Variants in TBC1D16 observed in about 807,000 individuals in gnomAD.
TBC1D16 encodes CTD-2529O21.1.
In TBC1D16, 58 loss-of-function variants were observed where a neutral mutation model predicts 74.7. That is an observed-to-expected ratio of 0.78 (90% CI 0.63 to 0.97). TBC1D16 has a LOEUF of 0.97. Ranked by LOEUF, TBC1D16 falls within the 50% of genes least tolerant of loss-of-function variation. The probability of loss-of-function intolerance (pLI) is 0.00; values close to 1 mark genes in which losing one functional copy is unlikely to be tolerated. For synonymous variants in TBC1D16, 493 were observed against 474.7 expected (o/e 1.04, Z -0.50); for missense variants, 1,014 against 1,079.5 (o/e 0.94, Z 0.85).
chr17:80,011,914 T>C (rs548639534), intron 2 of TBC1D16, among the ~76,000 whole-genome samples: 11 of 152,088 alleles, frequency 7.2e-5, no homozygotes, highest in African/African-American at 2.4e-4. Flanking sequence ...TTAATGCAGA[T>C]TGTTTGAGGA....
Position 79,950,227 on chromosome 17 carries a change from G to A in TBC1D16, c.1257+184C>T, listed in dbSNP as rs1358077142. On this transcript the variant is annotated intron_variant, in intron 6 of 11. Coordinates refer to ENST00000310924, the MANE Select transcript of TBC1D16 (RefSeq NM_019020.4). The surrounding 1 kb of genome is among the most constrained non-coding windows in gnomAD (Gnocchi z 4.6). ...TTGTGTTTTGTTTTTTTTTTTCAAC[G>A]CAGCAGCTTTGATTGCTTTATCGGT... is the stretch of plus-strand genomic sequence containing the variant. Among the ~76,000 whole-genome samples the A allele has an allele frequency of 2.0e-5, 3 of 151,346 alleles. No individual in the cohort carries two copies. In the East Asian group the frequency reaches 5.8e-4, roughly 29 times the overall value.
intron 1 of TBC1D16, among the ~76,000 whole-genome samples, chr17:80,024,330 TACCACAC>T (rs1226112155): frequency 7.2e-5 from 3 of 41,790 alleles, no homozygotes; most frequent in African/African-American, 2.4e-4. Context: ...TAGACACACA[TACCACAC>T]ACCACACACC....
intron 2 of TBC1D16, 22 bp downstream of exon 2, chr17:80,013,345 A>C (rs140228131): frequency 0.015 from 23,609 of 1,583,480 alleles, 330 homozygotes; most frequent in Middle Eastern, 0.047. Context: ...GCGACCCTGG[A>C]GCCTCGCCTG....
At chr17:79,964,392 A>T (rs1432881282) in intron 3 of TBC1D16, among the ~76,000 whole-genome samples, 2 of 151,964 alleles carry the variant, frequency 1.3e-5, no homozygotes, top group East Asian at 3.9e-4. Flanking sequence ...TGATCTTTAT[A>T]CTCTGCTGAT....
At chr17:79,972,136 T>G (rs1341742987) in intron 3 of TBC1D16, among the ~76,000 whole-genome samples, 2 of 152,190 alleles carry the variant, frequency 1.3e-5, no homozygotes, top group African/African-American at 4.8e-5. Flanking sequence ...TGTCCCTGCA[T>G]GCAATGGCAG....
Position 80,013,528 on chromosome 17 carries a change from A to G in TBC1D16, c.20T>C (p.Leu7Pro). Reference sequence around the variant, plus strand: ...CGAGGCTTTGGAGGAGGCCCTGCGAAGGAGGCGGCCCAGAGACATTGCCGG... The same window carrying G: ...CGAGGCTTTGGAGGAGGCCCTGCGAGGGAGGCGGCCCAGAGACATTGCCGG... MSLGRL[L>P]RRASSKASDL... The change falls in exon 2 of 12, where the codon CTT becomes CCT. Residue 7 changes from leucine (L) to proline (P), a missense_variant. Physicochemically the swap from Leu to Pro is moderately conservative, Grantham distance 98. Transcript: ENST00000310924. 6.5e-7 allele frequency: 1 copy of G among 1,546,368 alleles called. No homozygotes were observed. Among genetic ancestry groups the G allele is most frequent in the Non-Finnish European group, 8.7e-7 (1 of 1,146,726 alleles).
At chr17:80,005,093 T>G (rs998626853) in intron 3 of TBC1D16, among the ~76,000 whole-genome samples, 3 of 150,436 alleles carry the variant, frequency 2.0e-5, no homozygotes, top group Admixed American at 6.6e-5. Flanking sequence ...TTGTTGTTTT[T>G]GTTTTTGACA....
intron 3 of TBC1D16, among the ~76,000 whole-genome samples, chr17:79,963,704 A>G (rs1161493798): frequency 6.6e-6 from 1 of 152,216 alleles, no homozygotes; most frequent in African/African-American, 2.4e-5. Context: ...CCAGCAATGC[A>G]TAGGGATTTC....
Position 79,934,488 on chromosome 17 carries a change from G to C in TBC1D16, c.*6371C>G, listed in dbSNP as rs997778427. On this transcript the variant is annotated 3_prime_UTR_variant, in exon 12 of 12. Coordinates refer to ENST00000310924, the MANE Select transcript of TBC1D16 (RefSeq NM_019020.4). The stretch of plus-strand genomic sequence containing the variant: ...CCACCACGGCTGTTGCAGAGTCCAC[G>C]GTAAGAGCCAGGACGTGGCTTCCAG... 3 of 152,272 alleles carry C rather than the reference G, an allele frequency of 2.0e-5. No homozygotes were observed. The highest frequency in any genetic ancestry group is 4.4e-5 in the Non-Finnish European group (3 of 68,062). 9.4% of individuals were successfully genotyped at this position (152,272 alleles called of 1,614,324 possible). A position where few individuals can be genotyped will look rare whatever the true frequency, so the allele number is the denominator to read the frequency against.
intron 3 of TBC1D16, among the ~76,000 whole-genome samples, chr17:80,004,011 C>A (rs576371777): frequency 6.6e-6 from 1 of 152,186 alleles, no homozygotes; most frequent in Admixed American, 6.5e-5. Flanking sequence ...ATTGTGCTGC[C>A]GCCACCGTAT....
chr17:80,000,353 G>A lies in TBC1D16; in HGVS notation c.779+9807C>T, dbSNP rs141471790. On this transcript the variant is annotated intron_variant, in intron 3 of 11. Coordinates refer to ENST00000310924, the MANE Select transcript of TBC1D16 (RefSeq NM_019020.4). This position sits in a 1 kb window ranked among gnomAD's most constrained non-coding sequence, Gnocchi z 4.1. ...CCTATCTAATGACTGGCATCCGTATGAGAAGAAGAGAGGGCACACAAAGGG... is the reference window on the plus strand; with the variant it reads ...CCTATCTAATGACTGGCATCCGTATAAGAAGAAGAGAGGGCACACAAAGGG... Among the ~76,000 whole-genome samples, 1,088 of 152,290 alleles carry A rather than the reference G, an allele frequency of 7.1e-3. 9 individuals are homozygous for A. Among genetic ancestry groups the A allele is most frequent in the Middle Eastern group, 0.017 (5 of 294 alleles).
intron 10 of TBC1D16, chr17:79,943,895 TCGGGA>T: frequency 7.1e-7 from 1 of 1,408,344 alleles, no homozygotes; most frequent in Non-Finnish European, 9.2e-7. Context: ...TTTTTTTAAT[TCGGGA>T]GTGGTGGGAA....
chr17:79,973,988 C>A (rs1253675375), intron 3 of TBC1D16, among the ~76,000 whole-genome samples: 1 of 152,178 alleles, frequency 6.6e-6, no homozygotes, highest in Non-Finnish European at 1.5e-5. Flanking sequence ...CGCCTTCTCG[C>A]TAAAAGGAAG....
chr17:79,990,975 C>G lies in TBC1D16; in HGVS notation c.779+19185G>C, dbSNP rs1391413981. 6.6e-6 allele frequency among the ~76,000 whole-genome samples: 1 copy of G among 152,202 alleles called. No homozygotes were observed. The highest frequency in any genetic ancestry group is 1.5e-5 in the Non-Finnish European group (1 of 68,040). On this transcript the variant is annotated intron_variant, in intron 3 of 11. Coordinates refer to ENST00000310924, the MANE Select transcript of TBC1D16 (RefSeq NM_019020.4). The surrounding 1 kb of genome is among the most constrained non-coding windows in gnomAD (Gnocchi z 4.8). ...GTGTGGAACATGTGTGTGAACACAC[C>G]GCGTTTCTCTAGTCACCCGTCGGGG... is the stretch of plus-strand genomic sequence containing the variant.
intron 3 of TBC1D16, among the ~76,000 whole-genome samples, chr17:79,999,543 T>C (rs189112471): frequency 7.2e-4 from 92 of 127,574 alleles, no homozygotes; most frequent in African/African-American, 2.6e-3. Context: ...CTTTTTTTTT[T>C]TTTTTTTTTT....
At chr17:79,957,454 G>A (rs1405511133) in intron 3 of TBC1D16, among the ~76,000 whole-genome samples, 1 of 152,196 alleles carries the variant, frequency 6.6e-6, no homozygotes, top group Non-Finnish European at 1.5e-5. Flanking sequence ...ACTGTGACAA[G>A]GCTGCACCCT....
At position 79,944,892 on chromosome 17, in the gene TBC1D16, C is replaced by G. The variant is rs962605795; in HGVS notation, c.1908+16G>C. On this transcript the variant is annotated intron_variant, in intron 10 of 11. Coordinates refer to ENST00000310924, the MANE Select transcript of TBC1D16 (RefSeq NM_019020.4). The surrounding 1 kb of genome is among the most constrained non-coding windows in gnomAD (Gnocchi z 7.7). ...ATGGTCCCAACCTCCCCAGCCCTGG[C>G]CCCTGCCCTGGTCACCTGGTAGTGG... 3.9e-6 allele frequency: 6 copies of G among 1,546,002 alleles called. No homozygotes were observed. Among genetic ancestry groups the G allele is most frequent in the Non-Finnish European group, 5.2e-6 (6 of 1,145,676 alleles).
In TBC1D16 at chr17:80,031,649, C is replaced by T. The variant is rs572017596; in HGVS notation, c.-63+4146G>A. Among the ~76,000 whole-genome samples the T allele has an allele frequency of 3.0e-4, 45 of 152,284 alleles. No individual in the cohort carries two copies. The South Asian group carries it at 8.5e-3, about 29-fold the overall frequency. On this transcript the variant is annotated intron_variant, in intron 1 of 11. Transcript: ENST00000310924. ...AAGGAGAGACCATCTGCCATTTGTGCACCCTTGATAGTAGATTGTAAAATC... is the reference window on the plus strand; with the variant it reads ...AAGGAGAGACCATCTGCCATTTGTGTACCCTTGATAGTAGATTGTAAAATC...
intron 3 of TBC1D16, among the ~76,000 whole-genome samples, chr17:79,997,620 A>C (rs2035324049): frequency 6.6e-6 from 1 of 152,216 alleles, no homozygotes; most frequent in South Asian, 2.1e-4. Flanking sequence ...AGCAGAGTAC[A>C]GCGAGTTTCC....
Sources: gnomAD v4.1 joint callset for allele counts (sites outside exome capture counted in the v4.1 genomes callset) on GRCh38, gnomAD v4.1.1 for gene constraint, Gnocchi (gnomAD v3.1) non-coding constraint, MANE v1.5 for transcripts, NCBI Gene and HGNC (gene_info 2026-07-23, HGNC 2026-07-21) for gene names.